The following IL1RAPL2 variants were observed in gnomAD, a reference collection of about 807,000 sequenced individuals.
The protein encoded by IL1RAPL2 is interleukin 1 receptor accessory protein like 2, also known as X-linked interleukin-1 receptor accessory protein-like 2.
In IL1RAPL2, 3 loss-of-function variants were observed where a neutral mutation model predicts 44.1. The ratio of observed to expected loss-of-function variants is 0.07; its 90% CI spans 0.03 to 0.18. The LOEUF is 0.18. Ranked by LOEUF, IL1RAPL2 falls within the 10% of genes least tolerant of loss-of-function variation. The pLI is 1.00. For synonymous variants in IL1RAPL2, 181 were observed against 178.8 expected (o/e 1.01, Z -0.10); for missense variants, 391 against 496.4 (o/e 0.79, Z 2.02).
chrX:104,801,203 A>G (rs905508656), intron 2 of IL1RAPL2, among the ~76,000 whole-genome samples: 4 of 112,312 alleles, frequency 3.6e-5, no homozygotes, highest in Admixed American at 2.8e-4. Flanking sequence ...GAAATAGGAA[A>G]GTATTGGTGG....
intron 5 of IL1RAPL2, among the ~76,000 whole-genome samples, chrX:105,341,554 T>C (rs997615357): frequency 1.8e-5 from 2 of 112,029 alleles, no homozygotes; most frequent in Admixed American, 1.9e-4. Context: ...GTAAACAAGA[T>C]AGTACTTTCA....
intron 2 of IL1RAPL2, among the ~76,000 whole-genome samples, chrX:104,989,565 C>A (rs189870558): frequency 2.7e-4 from 30 of 111,754 alleles, no homozygotes; most frequent in Non-Finnish European, 4.9e-4. Flanking sequence ...TGTTTACATT[C>A]ATACAGTCCT....
chrX:105,137,426 TG>T (rs1235683418), intron 2 of IL1RAPL2, among the ~76,000 whole-genome samples: 1 of 111,591 alleles, frequency 9.0e-6, no homozygotes, highest in Non-Finnish European at 1.9e-5. Context: ...CACTGGGGGC[TG>T]GGAGGTCTCT....
intron 2 of IL1RAPL2, among the ~76,000 whole-genome samples, chrX:105,059,754 C>T (rs1276854630): frequency 1.8e-5 from 2 of 111,642 alleles, no homozygotes; most frequent in Non-Finnish European, 3.8e-5. Flanking sequence ...TGGTCTCAAA[C>T]TCCTGACCTC....
chrX:105,048,569 C>T (rs1360501330), intron 2 of IL1RAPL2, among the ~76,000 whole-genome samples: 1 of 111,011 alleles, frequency 9.0e-6, no homozygotes, highest in Admixed American at 9.6e-5. Flanking sequence ...TACTTCAAGA[C>T]CTAGTGTATA....
intron 6 of IL1RAPL2, among the ~76,000 whole-genome samples, chrX:105,676,562 A>G (rs1222311204): frequency 9.0e-6 from 1 of 111,668 alleles, no homozygotes; most frequent in East Asian, 2.8e-4. Flanking sequence ...GGAAAAAGGT[A>G]TTCTCTTGTA....
intron 2 of IL1RAPL2, among the ~76,000 whole-genome samples, chrX:104,936,823 G>A (rs1292613229): frequency 9.1e-6 from 1 of 110,108 alleles, no homozygotes. Context: ...AGCCAGAATG[G>A]TCTCGATCTC....
At chrX:105,229,619 AC>A (rs1267942138) in intron 3 of IL1RAPL2, among the ~76,000 whole-genome samples, 1 of 111,311 alleles carries the variant, frequency 9.0e-6, no homozygotes. Context: ...CTTTAACACC[AC>A]CCCAAATCAA....
chrX:104,758,394 T>C lies in IL1RAPL2; in HGVS notation c.82+99399T>C, dbSNP rs940658627. On this transcript the variant is annotated intron_variant, in intron 2 of 10. Coordinates refer to ENST00000372582, the MANE Select transcript of IL1RAPL2 (RefSeq NM_017416.2). ...TTTTGAACATAGAAGCTCTAACACT[T>C]CTCTTTGCATTCTCTTCATCTCCCC... 3.6e-5 allele frequency among the ~76,000 whole-genome samples: 4 copies of C among 111,355 alleles called. No homozygotes were observed. In the Admixed American group the frequency reaches 3.8e-4, roughly 11 times the overall value.
chrX:104,868,823 G>A (rs1479917412), intron 2 of IL1RAPL2, among the ~76,000 whole-genome samples: 2 of 111,943 alleles, frequency 1.8e-5, no homozygotes, highest in Admixed American at 9.5e-5. Context: ...TATATCCATC[G>A]TCTTAAAAAG....
intron 6 of IL1RAPL2, among the ~76,000 whole-genome samples, chrX:105,505,627 G>A (rs1192849744): frequency 9.0e-6 from 1 of 111,483 alleles, no homozygotes; most frequent in African/African-American, 3.3e-5. Flanking sequence ...GCTAAACATT[G>A]CCATCTGTGA....
At chrX:105,647,355 G>A (rs909084790) in intron 6 of IL1RAPL2, among the ~76,000 whole-genome samples, 1 of 111,915 alleles carries the variant, frequency 8.9e-6, no homozygotes, top group African/African-American at 3.3e-5. Context: ...CCCATACAAC[G>A]GGAGGGGACC....
At chrX:105,579,960 T>C (rs1241547090) in intron 6 of IL1RAPL2, among the ~76,000 whole-genome samples, 1 of 112,015 alleles carries the variant, frequency 8.9e-6, no homozygotes, top group Non-Finnish European at 1.9e-5. Flanking sequence ...CTTATTCTTT[T>C]GTCTTACCAT....
At chrX:105,172,220 G>A (rs2033430147) in intron 2 of IL1RAPL2, among the ~76,000 whole-genome samples, 1 of 112,736 alleles carries the variant, frequency 8.9e-6, no homozygotes, top group Admixed American at 9.3e-5. Flanking sequence ...TCAGGGGCCT[G>A]ATAACCTGTG....
At chrX:105,455,733 A>G (rs780270013) in intron 5 of IL1RAPL2, among the ~76,000 whole-genome samples, 2 of 111,895 alleles carry the variant, frequency 1.8e-5, no homozygotes, top group South Asian at 3.7e-4. Flanking sequence ...GCTCTGTAGT[A>G]TAGTTTGAAG....
chrX:105,652,989 C>T (rs1289836478), intron 6 of IL1RAPL2, among the ~76,000 whole-genome samples: 1 of 111,012 alleles, frequency 9.0e-6, no homozygotes, highest in African/African-American at 3.3e-5. Flanking sequence ...ATTTATTGGG[C>T]ATCTACTGTA....
chrX:104,602,738 C>A (rs995077391), intron 1 of IL1RAPL2, among the ~76,000 whole-genome samples: 2 of 111,439 alleles, frequency 1.8e-5, no homozygotes, highest in African/African-American at 3.3e-5. Context: ...TGGGCAGAGC[C>A]CACTGCAGCT....
At chrX:105,442,065 A>AT (rs1220792742) in intron 5 of IL1RAPL2, among the ~76,000 whole-genome samples, 1 of 108,824 alleles carries the variant, frequency 9.2e-6, no homozygotes, top group African/African-American at 3.4e-5. Context: ...ATTTTATTTT[A>AT]TTTTTTTTGG....
At chrX:105,581,934 C>T (rs1049068391) in intron 6 of IL1RAPL2, among the ~76,000 whole-genome samples, 2 of 111,312 alleles carry the variant, frequency 1.8e-5, no homozygotes, top group Admixed American at 1.9e-4. Flanking sequence ...TAGGATGATA[C>T]TGGTGTTTTT....
Sources: allele counts gnomAD v4.1 joint callset (sites outside exome capture counted in the v4.1 genomes callset), GRCh38; gene constraint gnomAD v4.1.1; transcripts MANE v1.5; gene names NCBI Gene and HGNC (gene_info 2026-07-23, HGNC 2026-07-21).